The following MSH3 variants were observed in gnomAD, a reference collection of about 807,000 sequenced individuals.
MSH3 encodes the protein DNA mismatch repair protein Msh3.
In MSH3, 106 loss-of-function variants were observed where a neutral mutation model predicts 123.3. The observed-to-expected ratio is 0.86, with a 90% confidence interval of 0.73 to 1.01. The LOEUF (loss-of-function observed/expected upper bound fraction) is 1.01. Ranked by LOEUF, MSH3 falls within the 50% of genes least tolerant of loss-of-function variation. The pLI, the probability that MSH3 is intolerant of heterozygous loss-of-function variation, is 0.00. For missense variants in MSH3, 1,459 were observed against 1,347.6 expected (o/e 1.08, Z -1.29); for synonymous variants, 515 against 481.4 (o/e 1.07, Z -0.91).
At chr5:80,745,515 G>A (rs1432737212) in intron 12 of MSH3, among the ~76,000 whole-genome samples, 1 of 152,176 alleles carries the variant, frequency 6.6e-6, no homozygotes, top group Non-Finnish European at 1.5e-5. Context: ...TTTCATAGCT[G>A]GTAGAGATAA....
rs566242869 is a variant in MSH3, at chr5:80,787,733, A to G, written c.2543+61A>G. ...TTAGATAAGATGACATTATTCAATT[A>G]ATTATAGTGTCTTTATTATAAAATA... is the stretch of plus-strand genomic sequence containing the variant. On this transcript the variant is annotated intron_variant, in intron 18 of 23. Coordinates refer to ENST00000265081, the MANE Select transcript of MSH3 (RefSeq NM_002439.5). The G allele has an allele frequency of 4.5e-5, 50 of 1,103,598 alleles. No individual in the cohort carries two copies. The South Asian group carries it at 6.0e-4, about 13-fold the overall frequency. The allele number at this position is 1,103,598 out of a possible 1,614,324, so 68.4% of individuals were successfully genotyped here. A position where few individuals can be genotyped will look rare whatever the true frequency, so the allele number is the denominator to read the frequency against.
At chr5:80,864,673 C>G in intron 21 of MSH3, 140 bp from the exon 22 acceptor site, 1 of 675,562 alleles carries the variant, frequency 1.5e-6, no homozygotes, top group East Asian at 2.8e-5. Flanking sequence ...TCTAGGTAAA[C>G]AGTATATAAT....
At chr5:80,695,193 C>T (rs1371606994) in intron 8 of MSH3, among the ~76,000 whole-genome samples, 1 of 149,396 alleles carries the variant, frequency 6.7e-6, no homozygotes. Context: ...ATTTTTATTG[C>T]AGTCTGTATC....
chr5:80,683,014 A>G (rs1750008248), intron 8 of MSH3, among the ~76,000 whole-genome samples: 1 of 152,136 alleles, frequency 6.6e-6, no homozygotes, highest in Admixed American at 6.6e-5. Flanking sequence ...AGTTCCATCC[A>G]TGTTGTTGCA....
chr5:80,815,916 A>G (rs1745095485), intron 20 of MSH3, among the ~76,000 whole-genome samples: 1 of 152,184 alleles, frequency 6.6e-6, no homozygotes, highest in African/African-American at 2.4e-5. Flanking sequence ...GTAACAGCCA[A>G]CCTTTATGAT....
chr5:80,765,712 A>G (rs983848597), intron 13 of MSH3, among the ~76,000 whole-genome samples: 3 of 152,134 alleles, frequency 2.0e-5, no homozygotes, highest in South Asian at 2.1e-4. Flanking sequence ...TATCTGTTGT[A>G]TAGTACTATC....
At chr5:80,741,855 G>A (rs938879994) in intron 11 of MSH3, among the ~76,000 whole-genome samples, 9 of 151,934 alleles carry the variant, frequency 5.9e-5, no homozygotes, top group African/African-American at 1.9e-4. Flanking sequence ...ATATGAAGCG[G>A]ATTTTTTTTG....
intron 15 of MSH3, among the ~76,000 whole-genome samples, chr5:80,774,060 G>T (rs909089853): frequency 1.3e-5 from 2 of 152,064 alleles, no homozygotes; most frequent in Non-Finnish European, 2.9e-5. Context: ...GAGCCATCGC[G>T]CCCGGCCTGA....
intron 20 of MSH3, among the ~76,000 whole-genome samples, chr5:80,816,868 A>G (rs1745110303): frequency 6.6e-6 from 1 of 152,226 alleles, no homozygotes; most frequent in Non-Finnish European, 1.5e-5. Flanking sequence ...ATGTTTTTTC[A>G]TAGATTCCGA....
rs1744631488 is a variant in MSH3 at position 80,792,815 on chromosome 5, C to G, written c.2626C>G (p.Gln876Glu). 2 of 1,611,354 alleles carry G rather than the reference C, an allele frequency of 1.2e-6. No homozygotes were observed. Among genetic ancestry groups the G allele is most frequent in the East Asian group, 4.5e-5 (2 of 44,754 alleles). Residue 876 changes from glutamine (Q) to glutamate (E), a missense_variant, in exon 19 of 24, where the codon CAA becomes GAA. Transcript: ENST00000265081. The part of the protein sequence containing the change: ...VIDVLLGEQD[Q>E]YVPNNTDLSE... ...TGATGTGTTGCTGGGAGAACAGGATCAATATGTCCCAAATAATACAGATTT... is the reference window on the plus strand; with the variant it reads ...TGATGTGTTGCTGGGAGAACAGGATGAATATGTCCCAAATAATACAGATTT...
intron 19 of MSH3, 65 bp from the exon 20 acceptor site, chr5:80,813,519 A>C: frequency 1.3e-6 from 2 of 1,516,966 alleles, no homozygotes; most frequent in Non-Finnish European, 1.8e-6. Context: ...CACTTATGAG[A>C]TAAATTGTGG....
chr5:80,796,687 T>A (rs1744704058), intron 19 of MSH3, among the ~76,000 whole-genome samples: 1 of 152,218 alleles, frequency 6.6e-6, no homozygotes, highest in Non-Finnish European at 1.5e-5. Context: ...GTATTCTGTA[T>A]TACATGAACT....
chr5:80,740,092 A>C (rs1743584011), intron 10 of MSH3, among the ~76,000 whole-genome samples: 1 of 151,688 alleles, frequency 6.6e-6, no homozygotes, highest in African/African-American at 2.4e-5. Context: ...GAAACATCTA[A>C]GGACTGGCTG....
At chr5:80,670,372 A>T in intron 4 of MSH3, 63 bp downstream of exon 4, 1 of 1,522,166 alleles carries the variant, frequency 6.6e-7, no homozygotes, top group Non-Finnish European at 9.1e-7. Context: ...ATTTTTCAGT[A>T]TTTTTGTTTC....
chr5:80,673,919 A>T (rs1156991057), intron 6 of MSH3, among the ~76,000 whole-genome samples: 1 of 152,210 alleles, frequency 6.6e-6, no homozygotes, highest in East Asian at 1.9e-4. Context: ...ATGGAGAGAT[A>T]AGAAGGCCTT....
chr5:80,741,269 A>T (rs185264449), intron 10 of MSH3, among the ~76,000 whole-genome samples, 195 bp from the exon 11 acceptor site: 1 of 151,964 alleles, frequency 6.6e-6, no homozygotes, highest in Non-Finnish European at 1.5e-5. Context: ...TTTGTCTTGC[A>T]TCAATCTACT....
intron 12 of MSH3, among the ~76,000 whole-genome samples, chr5:80,750,854 C>T (rs1178017212): frequency 1.3e-5 from 2 of 152,142 alleles, no homozygotes; most frequent in African/African-American, 4.8e-5. Flanking sequence ...GTAGAATATT[C>T]TTCTGTTTCT....
At chr5:80,720,032 G>C (rs941286776) in intron 8 of MSH3, among the ~76,000 whole-genome samples, 3 of 152,068 alleles carry the variant, frequency 2.0e-5, no homozygotes, top group African/African-American at 7.2e-5. Context: ...CCATACTTTG[G>C]GTATAGCTCT....
intron 18 of MSH3, among the ~76,000 whole-genome samples, chr5:80,791,772 T>C (rs1034493798): frequency 6.6e-6 from 1 of 152,182 alleles, no homozygotes; most frequent in African/African-American, 2.4e-5. Flanking sequence ...TAGATTACAG[T>C]ATGACTTTTC....
Sources: gnomAD v4.1 joint callset for allele counts (sites outside exome capture counted in the v4.1 genomes callset) on GRCh38, gnomAD v4.1.1 for gene constraint, MANE v1.5 for transcripts, NCBI Gene and HGNC (gene_info 2026-07-23, HGNC 2026-07-21) for gene names.